Variants in FHIT observed in about 807,000 individuals in gnomAD.
FHIT encodes bis(5'-adenosyl)-triphosphatase.
A neutral mutation model predicts 17.9 loss-of-function variants in FHIT; 19 were observed. The ratio of observed to expected loss-of-function variants is 1.06; its 90% CI spans 0.74 to 1.56. FHIT has a LOEUF of 1.56. FHIT is among the 40% of genes most tolerant of loss of function. FHIT has a pLI of 0.00. For synonymous variants in FHIT, 81 were observed against 69.7 expected (o/e 1.16, Z -0.81); for missense variants, 248 against 189.2 (o/e 1.31, Z -1.82).
At chr3:61,232,264 G>A (rs539763357) in intron 1 of FHIT, among the ~76,000 whole-genome samples, 4 of 152,176 alleles carry the variant, frequency 2.6e-5, no homozygotes, top group Non-Finnish European at 5.9e-5. Flanking sequence ...GTGTACACCT[G>A]TAATCCCAGC....
intron 5 of FHIT, among the ~76,000 whole-genome samples, chr3:60,065,779 G>A (rs535296995): frequency 2.0e-5 from 3 of 151,948 alleles, no homozygotes; most frequent in Non-Finnish European, 4.4e-5. Context: ...CCATCCCATG[G>A]CCAACTACTC....
chr3:60,165,629 G>T (rs1215682323), intron 5 of FHIT, among the ~76,000 whole-genome samples: 1 of 152,106 alleles, frequency 6.6e-6, no homozygotes, highest in Non-Finnish European at 1.5e-5. Context: ...TGTCAAATGA[G>T]ATTATAAAGA....
At position 61,083,223 on chromosome 3, in the gene FHIT, A is replaced by G. The variant is rs2106783843; in HGVS notation, c.-163-41124T>C. Among the ~76,000 whole-genome samples, 2 of 152,370 alleles carry G rather than the reference A, an allele frequency of 1.3e-5. 1 individual carries two copies. The highest frequency in any genetic ancestry group is 4.8e-5 in the African/African-American group (2 of 41,590). ...TTCACCAATCAAGTGTATGTGACTC[A>G]AAGTTTTTTAGTATATCCACAGAGT... On this transcript the variant is annotated intron_variant, in intron 2 of 9. Coordinates refer to ENST00000492590, the MANE Select transcript of FHIT (RefSeq NM_002012.4).
chr3:60,011,478 A>G (rs867734600), intron 6 of FHIT, 78 bp from the exon 7 acceptor site: 2 of 1,176,400 alleles, frequency 1.7e-6, no homozygotes, highest in Non-Finnish European at 2.5e-6. Context: ...TCACCCATTA[A>G]TAATTTAGAT....
chr3:61,059,787 A>C (rs1379393184), intron 2 of FHIT, among the ~76,000 whole-genome samples: 1 of 152,200 alleles, frequency 6.6e-6, no homozygotes, highest in Non-Finnish European at 1.5e-5. Context: ...GCATTGCTAT[A>C]AAGTTCATTC....
chr3:59,906,478 G>T (rs942115564), intron 8 of FHIT, among the ~76,000 whole-genome samples: 1 of 152,214 alleles, frequency 6.6e-6, no homozygotes, highest in Non-Finnish European at 1.5e-5. Flanking sequence ...ACCACAGCAT[G>T]TAGACCCCTA....
chr3:60,328,157 G>A (rs1045121846), intron 5 of FHIT, among the ~76,000 whole-genome samples: 2 of 60,546 alleles, frequency 3.3e-5, no homozygotes, highest in Non-Finnish European at 6.3e-5. Context: ...CACAGGCAAT[G>A]TAGTCTATTG....
chr3:59,980,588 T>G (rs960554501), intron 7 of FHIT, among the ~76,000 whole-genome samples: 1 of 152,246 alleles, frequency 6.6e-6, no homozygotes, highest in African/African-American at 2.4e-5. Flanking sequence ...GCTGTGTAAG[T>G]CATCCCAAGT....
intron 4 of FHIT, among the ~76,000 whole-genome samples, chr3:60,554,998 G>A (rs1457676711): frequency 2.0e-5 from 3 of 152,116 alleles, no homozygotes; most frequent in African/African-American, 7.2e-5. Flanking sequence ...ATATCTAACG[G>A]TGTTATTCAC....
intron 2 of FHIT, among the ~76,000 whole-genome samples, chr3:61,081,860 A>G (rs935337112): frequency 1.3e-5 from 2 of 152,222 alleles, no homozygotes; most frequent in African/African-American, 4.8e-5. Flanking sequence ...TTGGGGGCAC[A>G]CAAGTAAACC....
intron 5 of FHIT, among the ~76,000 whole-genome samples, chr3:60,201,373 G>A (rs213300): frequency 0.39 from 59,488 of 151,774 alleles, 13,080 homozygotes; most frequent in East Asian, 0.55. Flanking sequence ...AAGAGATGGG[G>A]TCTCACTATA....
At chr3:59,896,671 A>C (rs1337374910) in intron 8 of FHIT, among the ~76,000 whole-genome samples, 1 of 152,236 alleles carries the variant, frequency 6.6e-6, no homozygotes, top group Admixed American at 6.5e-5. Context: ...TAACCATAGC[A>C]ATGATTTTGT....
chr3:60,907,301 T>A (rs1553764814), intron 3 of FHIT, among the ~76,000 whole-genome samples: 1 of 152,152 alleles, frequency 6.6e-6, no homozygotes, highest in Non-Finnish European at 1.5e-5. Context: ...GAGGAACAAT[T>A]GGACAGATCC....
chr3:60,049,313 C>A (rs1400421517), intron 5 of FHIT, among the ~76,000 whole-genome samples: 1 of 152,202 alleles, frequency 6.6e-6, no homozygotes, highest in African/African-American at 2.4e-5. Flanking sequence ...CCACTAGCCA[C>A]ATGCAGCTAC....
chr3:59,851,101 T>C lies in FHIT; in HGVS notation c.348+71245A>G, dbSNP rs140639188. 6.6e-5 allele frequency among the ~76,000 whole-genome samples: 10 copies of C among 152,278 alleles called. No homozygotes were observed. The East Asian group carries it at 1.9e-3, about 29-fold the overall frequency. On this transcript the variant is annotated intron_variant, in intron 8 of 9. Coordinates refer to ENST00000492590, the MANE Select transcript of FHIT (RefSeq NM_002012.4). Reference sequence around the variant, plus strand: ...ATATTCTGATCCAGGACTCAATGGCTCCTCCTGGATCTTCTAACAAGGTCA... The same window carrying C: ...ATATTCTGATCCAGGACTCAATGGCCCCTCCTGGATCTTCTAACAAGGTCA...
chr3:60,199,757 A>G (rs1215306103), intron 5 of FHIT, among the ~76,000 whole-genome samples: 1 of 152,178 alleles, frequency 6.6e-6, no homozygotes, highest in East Asian at 1.9e-4. Flanking sequence ...ACATAAACTC[A>G]AAAGCACTCA....
At chr3:60,034,241 T>C (rs1190134372) in intron 5 of FHIT, among the ~76,000 whole-genome samples, 1 of 152,244 alleles carries the variant, frequency 6.6e-6, no homozygotes. Flanking sequence ...CTGATAACCC[T>C]GAACTCCTCT....
At chr3:60,270,926 T>C (rs2107626970) in intron 5 of FHIT, among the ~76,000 whole-genome samples, 1 of 152,266 alleles carries the variant, frequency 6.6e-6, no homozygotes, top group South Asian at 2.1e-4. Context: ...AGAAAGGGCA[T>C]TAAAAGACAA....
intron 5 of FHIT, among the ~76,000 whole-genome samples, chr3:60,107,014 G>A (rs537769466): frequency 4.6e-5 from 7 of 152,040 alleles, no homozygotes; most frequent in East Asian, 1.9e-4. Context: ...GATAGTTCAC[G>A]GTGGTTTTAT....
Sources: gnomAD v4.1 joint callset for allele counts (sites outside exome capture counted in the v4.1 genomes callset) on GRCh38, gnomAD v4.1.1 for gene constraint, MANE v1.5 for transcripts, NCBI Gene and HGNC (gene_info 2026-07-23, HGNC 2026-07-21) for gene names.